Variants in FYB2 observed in about 807,000 individuals in gnomAD.
FYB2 encodes the protein FYN-binding protein 2.
FYB2 carries 103 observed loss-of-function variants against 94.1 expected under a neutral mutation model. That is an observed-to-expected ratio of 1.09 (90% CI 0.93 to 1.29). FYB2 has a LOEUF of 1.29. Among genes scored for constraint, FYB2 ranks in the 50% most tolerant of loss-of-function variants. The pLI is 0.00. For synonymous variants in FYB2, 293 were observed against 287.9 expected (o/e 1.02, Z -0.18); for missense variants, 896 against 841.5 (o/e 1.06, Z -0.80).
At position 56,744,164 on chromosome 1, in the gene FYB2, G is replaced by T. The variant is rs770818735; in HGVS notation, c.1490C>A (p.Ser497Tyr). Residue 497 changes from serine (S) to tyrosine (Y), a missense_variant, in exon 10 of 20, where the codon TCC becomes TAC. Coordinates refer to ENST00000343433, the MANE Select transcript of FYB2 (RefSeq NM_001004303.5). ...SEEIYDDVEY[S>Y]RKEVPKLNYS... ...GAATGTTACTTACACCTCTTTCCTGGAGTACTCGACATCATCATATATCTC... is the reference window on the plus strand; with the variant it reads ...GAATGTTACTTACACCTCTTTCCTGTAGTACTCGACATCATCATATATCTC... 2 of 1,612,342 alleles carry T rather than the reference G, an allele frequency of 1.2e-6. No homozygotes were observed. The highest frequency in any genetic ancestry group is 2.2e-5 in the South Asian group (2 of 91,020).
rs1345876702 is a variant in FYB2, at chr1:56,792,316, G to A, written c.497C>T (p.Ala166Val). 6.2e-7 allele frequency: 1 copy of A among 1,614,054 alleles called. No homozygotes were observed. Among genetic ancestry groups the A allele is most frequent in the Non-Finnish European group, 8.5e-7 (1 of 1,180,000 alleles). Residue 166 changes from alanine to valine, a missense_variant, in exon 2 of 20, where the codon GCC becomes GTC. Physicochemically the swap from Ala to Val is moderately conservative, Grantham distance 64. Transcript: ENST00000343433. The stretch of plus-strand genomic sequence containing the variant: ...GCCTTTTTGCCCTTCCAGATGGATG[G>A]CCTTACTTCCATAGTTGGCAAGGAG... The part of the protein sequence containing the change: ...ALLLANYGSK[A>V]IHLEGQKGMG...
chr1:56,808,121 C>T (rs1168104141), intron 1 of FYB2, among the ~76,000 whole-genome samples: 2 of 152,122 alleles, frequency 1.3e-5, no homozygotes, highest in African/African-American at 2.4e-5. Context: ...GGGTTAGGCC[C>T]TTTTCATACA....
intron 13 of FYB2, among the ~76,000 whole-genome samples, chr1:56,739,517 T>C (rs1330737259): frequency 2.6e-5 from 4 of 152,024 alleles, no homozygotes; most frequent in African/African-American, 9.7e-5. Context: ...TAATTCCATC[T>C]CACTATAGGT....
chr1:56,731,332 A>T (rs1316013778), intron 15 of FYB2, among the ~76,000 whole-genome samples: 1 of 152,118 alleles, frequency 6.6e-6, no homozygotes, highest in East Asian at 1.9e-4. Context: ...CATCTGAGAC[A>T]ATTTAAAATA....
intron 16 of FYB2, among the ~76,000 whole-genome samples, 174 bp downstream of exon 16, chr1:56,726,323 A>C (rs2100504015): frequency 1.3e-5 from 2 of 152,160 alleles, no homozygotes; most frequent in Non-Finnish European, 2.9e-5. Flanking sequence ...ATATTTTTAT[A>C]TTCTTTGTCC....
chr1:56,788,955 C>T lies in FYB2; in HGVS notation c.919+18G>A, dbSNP rs774075017. On this transcript the variant is annotated intron_variant, in intron 3 of 19. Transcript: ENST00000343433. ...GACTCCTGGTTGGCCTTGTGTAGGG[C>T]CCTGTGCATTTCCTTACCTTCCCCC... 10 of 1,613,924 alleles carry T rather than the reference C, an allele frequency of 6.2e-6. No individual in the cohort carries two copies. The highest frequency in any genetic ancestry group is 8.5e-6 in the Non-Finnish European group (10 of 1,179,888).
rs528569267 is a variant in FYB2, at chr1:56,742,100, T to TGG, written c.1604+59_1604+60dup. The TGG allele has an allele frequency of 3.1e-4, 457 of 1,478,970 alleles. 6 individuals are homozygous for TGG. The East Asian group carries it at 4.6e-3, about 15-fold the overall frequency. The allele number at this position is 1,478,970 out of a possible 1,614,324, so 91.6% of individuals were successfully genotyped here. On this transcript the variant is annotated intron_variant, in intron 12 of 19. Transcript: ENST00000343433. ...GGATGGTGGGTCCTCACTGAAACTC[T>TGG]GGCTTTACTAGACTAACAGGAAGTC... is the stretch of plus-strand genomic sequence containing the variant.
chr1:56,739,410 G>A lies in FYB2; in HGVS notation c.1704-757C>T, dbSNP rs1426652092. Among the ~76,000 whole-genome samples, 3 of 151,908 alleles carry A rather than the reference G, an allele frequency of 2.0e-5. No homozygotes were observed. In the East Asian group the frequency reaches 5.8e-4, roughly 29 times the overall value. The stretch of plus-strand genomic sequence containing the variant: ...CAATTTATAAACCTCATGTTTTGTA[G>A]GGTCTCTTGGTAGATCTAGATCCAA... On this transcript the variant is annotated intron_variant, in intron 13 of 19. Transcript: ENST00000343433.
chr1:56,773,835 T>G (rs1645815871), intron 4 of FYB2, among the ~76,000 whole-genome samples: 1 of 152,178 alleles, frequency 6.6e-6, no homozygotes, highest in South Asian at 2.1e-4. Context: ...AGTAGCTTAG[T>G]CAGCATTTGC....
intron 9 of FYB2, 34 bp from the exon 10 acceptor site, chr1:56,744,300 C>G (rs1412991852): frequency 6.8e-7 from 1 of 1,460,618 alleles, no homozygotes; most frequent in East Asian, 2.3e-5. Context: ...AAAAACATCA[C>G]ATCAGCTGCC....
rs112174300 is a variant in FYB2, at chr1:56,776,554, A to G, written c.954-8616T>C. Among the ~76,000 whole-genome samples the G allele has an allele frequency of 3.7e-3, 569 of 152,308 alleles. 5 individuals are homozygous for G. Among genetic ancestry groups the G allele is most frequent in the African/African-American group, 0.012 (488 of 41,562 alleles). ...TCCTAATAAACCAGTCAAAACTTCAACAGCATGAAACAAAATGACCACGAG... is the reference window on the plus strand; with the variant it reads ...TCCTAATAAACCAGTCAAAACTTCAGCAGCATGAAACAAAATGACCACGAG... On this transcript the variant is annotated intron_variant, in intron 4 of 19. Transcript: ENST00000343433.
intron 1 of FYB2, among the ~76,000 whole-genome samples, chr1:56,807,097 C>T (rs886286793): frequency 2.0e-5 from 3 of 152,118 alleles, no homozygotes; most frequent in East Asian, 1.9e-4. Flanking sequence ...CTGGAAAAAC[C>T]GACCACAGAG....
At chr1:56,806,513 C>T (rs1324540347) in intron 1 of FYB2, among the ~76,000 whole-genome samples, 1 of 152,060 alleles carries the variant, frequency 6.6e-6, no homozygotes, top group African/African-American at 2.4e-5. Flanking sequence ...TGAAAGGTCT[C>T]ACAGGCCACT....
intron 1 of FYB2, among the ~76,000 whole-genome samples, chr1:56,815,958 C>A (rs1268872829): frequency 6.6e-6 from 1 of 152,076 alleles, no homozygotes; most frequent in African/African-American, 2.4e-5. Flanking sequence ...AAAGAAAAAC[C>A]CATCAACCTT....
At chr1:56,768,769 A>G (rs1196859912) in intron 4 of FYB2, among the ~76,000 whole-genome samples, 1 of 152,214 alleles carries the variant, frequency 6.6e-6, no homozygotes, top group African/African-American at 2.4e-5. Context: ...AGATAGTCAG[A>G]AGGCATAACT....
At chr1:56,725,443 ACT>A (rs1174006364) in intron 16 of FYB2, among the ~76,000 whole-genome samples, 2 of 151,916 alleles carry the variant, frequency 1.3e-5, no homozygotes, top group Non-Finnish European at 2.9e-5. Flanking sequence ...CTGTTATATC[ACT>A]CTGTTGTAAA....
At chr1:56,721,211 C>T (rs1644478951) in intron 17 of FYB2, among the ~76,000 whole-genome samples, 1 of 152,084 alleles carries the variant, frequency 6.6e-6, no homozygotes, top group Non-Finnish European at 1.5e-5. Flanking sequence ...GCACTGAAAT[C>T]TGTTGACCAC....
intron 9 of FYB2, among the ~76,000 whole-genome samples, chr1:56,746,208 T>C (rs1181335661): frequency 6.6e-6 from 1 of 152,140 alleles, no homozygotes; most frequent in East Asian, 1.9e-4. Flanking sequence ...TACACCCCCA[T>C]TTCCTAGAAC....
In FYB2 at chr1:56,814,190, T is replaced by C. The variant is rs1054451360; in HGVS notation, c.9+5092A>G. 2.6e-5 allele frequency among the ~76,000 whole-genome samples: 4 copies of C among 152,224 alleles called. No individual in the cohort carries two copies. The South Asian group carries it at 8.3e-4, about 32-fold the overall frequency. ...TGCAGCAGGCTAGGAAACTGGAACA[T>C]GAGGGATGTGGTGCGGGTGAGGAGG... On this transcript the variant is annotated intron_variant, in intron 1 of 19. Coordinates refer to ENST00000343433, the MANE Select transcript of FYB2 (RefSeq NM_001004303.5).
Sources: allele counts gnomAD v4.1 joint callset (sites outside exome capture counted in the v4.1 genomes callset), GRCh38; gene constraint gnomAD v4.1.1; transcripts MANE v1.5; gene names NCBI Gene and HGNC (gene_info 2026-07-23, HGNC 2026-07-21).